MTSS1: variants seen among roughly 807,000 people sequenced by gnomAD.
MTSS1 encodes the protein protein MTSS 1.
A neutral mutation model predicts 79.0 loss-of-function variants in MTSS1; 18 were observed. The ratio of observed to expected loss-of-function variants is 0.23; its 90% CI spans 0.16 to 0.34. The LOEUF is 0.34. MTSS1 is among the 10% of genes least tolerant of loss of function. The pLI is 1.00. For missense variants in MTSS1, 815 were observed against 986.2 expected, an observed-to-expected ratio of 0.83 and a Z score of 2.33; for synonymous variants, 341 against 368.6, an observed-to-expected ratio of 0.93 and a Z score of 0.86.
chr8:124,706,951 C>T (rs546581029), intron 1 of MTSS1, among the ~76,000 whole-genome samples: 6 of 152,310 alleles, frequency 3.9e-5, no homozygotes, highest in Non-Finnish European at 8.8e-5. Context: ...AGGATGGCCA[C>T]TGGAGATCTC....
intron 4 of MTSS1, among the ~76,000 whole-genome samples, chr8:124,590,827 T>C (rs1448829068): frequency 6.6e-6 from 1 of 152,158 alleles, no homozygotes; most frequent in Non-Finnish European, 1.5e-5. Context: ...CAGCCCCTCT[T>C]CTTGCGAGGC....
At chr8:124,663,149 G>A (rs1822400363) in intron 3 of MTSS1, among the ~76,000 whole-genome samples, 1 of 152,158 alleles carries the variant, frequency 6.6e-6, no homozygotes, top group Non-Finnish European at 1.5e-5. Flanking sequence ...TCAGACACCT[G>A]CACACGTGTC....
At chr8:124,611,260 T>C (rs1835766267) in intron 3 of MTSS1, among the ~76,000 whole-genome samples, 1 of 152,138 alleles carries the variant, frequency 6.6e-6, no homozygotes, top group Non-Finnish European at 1.5e-5. Context: ...TAGACCAAGA[T>C]TGGGAGAAAG....
chr8:124,722,090 G>C (rs1394540329), intron 1 of MTSS1, among the ~76,000 whole-genome samples: 1 of 151,936 alleles, frequency 6.6e-6, no homozygotes, highest in African/African-American at 2.4e-5. Context: ...CAAATAAAAA[G>C]ACACACAGTT....
At chr8:124,713,184 A>C (rs1831417649) in intron 1 of MTSS1, among the ~76,000 whole-genome samples, 1 of 152,146 alleles carries the variant, frequency 6.6e-6, no homozygotes, top group Non-Finnish European at 1.5e-5. Flanking sequence ...TGGATACCGT[A>C]CTGGACAGCA....
chr8:124,684,412 AAAG>A (rs1184352950), intron 3 of MTSS1, among the ~76,000 whole-genome samples: 1 of 152,234 alleles, frequency 6.6e-6, no homozygotes, highest in African/African-American at 2.4e-5. Flanking sequence ...GAGCAACAGA[AAAG>A]AACAAGATTT....
intron 3 of MTSS1, among the ~76,000 whole-genome samples, chr8:124,666,749 G>A (rs1419381741): frequency 2.0e-5 from 3 of 152,264 alleles, no homozygotes; most frequent in Non-Finnish European, 2.9e-5. Flanking sequence ...AGCGCAGAGT[G>A]AGCCCAGCTG....
At chr8:124,672,017 T>A (rs1373308310) in intron 3 of MTSS1, among the ~76,000 whole-genome samples, 1 of 152,202 alleles carries the variant, frequency 6.6e-6, no homozygotes, top group Admixed American at 6.5e-5. Context: ...TGTGAAAGTT[T>A]TAAGAAAAAT....
At chr8:124,642,458 T>G (rs1818235405) in intron 3 of MTSS1, among the ~76,000 whole-genome samples, 1 of 152,216 alleles carries the variant, frequency 6.6e-6, no homozygotes, top group Non-Finnish European at 1.5e-5. Flanking sequence ...TCACCCACCT[T>G]AAGTCCAAGG....
At chr8:124,671,167 C>T (rs1436995818) in intron 3 of MTSS1, among the ~76,000 whole-genome samples, 1 of 151,988 alleles carries the variant, frequency 6.6e-6, no homozygotes, top group African/African-American at 2.4e-5. Flanking sequence ...ACAGGCTAGG[C>T]TCCCTCAAAT....
chr8:124,558,458 G>A (rs533839901), intron 10 of MTSS1, among the ~76,000 whole-genome samples: 1 of 152,154 alleles, frequency 6.6e-6, no homozygotes, highest in Non-Finnish European at 1.5e-5. Flanking sequence ...CCTGGTCTGG[G>A]AGAAAGCCTT....
chr8:124,564,691 T>TCATACACACACACACACACACACACA (rs1826006561), intron 9 of MTSS1: 1 of 144,306 alleles, frequency 6.9e-6, no homozygotes, highest in Admixed American at 6.9e-5. Context: ...TCTCTTTCAC[T>TCATACACACACACACACACACACACA]CACACACACA....
At chr8:124,656,781 CAAAAAA>C (rs59332225) in intron 3 of MTSS1, among the ~76,000 whole-genome samples, 2 of 51,664 alleles carry the variant, frequency 3.9e-5, no homozygotes, top group African/African-American at 5.7e-5. Flanking sequence ...GACTCCATCT[CAAAAAA>C]AAAAAAAAAA....
chr8:124,718,585 A>T (rs1215056625), intron 1 of MTSS1, among the ~76,000 whole-genome samples: 1 of 152,008 alleles, frequency 6.6e-6, no homozygotes, highest in East Asian at 1.9e-4. Context: ...ATTAAACCAA[A>T]CTCAAAGACT....
At chr8:124,615,015 T>A (rs1020678463) in intron 3 of MTSS1, among the ~76,000 whole-genome samples, 9 of 152,100 alleles carry the variant, frequency 5.9e-5, no homozygotes, top group African/African-American at 2.2e-4. Context: ...AGACAGTGTA[T>A]GTTGGAGGTT....
intron 13 of MTSS1, 44 bp downstream of exon 13, chr8:124,555,698 T>C (rs1001523466): frequency 6.5e-7 from 1 of 1,532,176 alleles, no homozygotes; most frequent in African/African-American, 1.4e-5. Flanking sequence ...CCTCACCTGG[T>C]GCTGCTCAGA....
At chr8:124,628,116 G>C (rs181647163) in intron 3 of MTSS1, among the ~76,000 whole-genome samples, 159 of 152,300 alleles carry the variant, frequency 1.0e-3, no homozygotes, top group Non-Finnish European at 2.0e-3. Flanking sequence ...GCAGTGAGCT[G>C]AGATCGTGCC....
At chr8:124,607,618 C>T (rs542570694) in intron 3 of MTSS1, among the ~76,000 whole-genome samples, 2 of 152,200 alleles carry the variant, frequency 1.3e-5, no homozygotes, top group Non-Finnish European at 2.9e-5. Flanking sequence ...TGAGTCCCTA[C>T]AAGCTAGACA....
chr8:124,552,028 T>C lies in MTSS1; in HGVS notation c.*964A>G, dbSNP rs1236413560. ...GTTAAGTAAAAGGCATTTACTATAA[T>C]CTAAGAATTCCCTGCTATTATCATT... On this transcript the variant is annotated 3_prime_UTR_variant, in exon 14 of 14. Transcript: ENST00000518547. 6.5e-6 allele frequency: 1 copy of C among 152,682 alleles called. No homozygotes were observed. The highest frequency in any genetic ancestry group is 1.5e-5 in the Non-Finnish European group (1 of 68,050). 9.5% of individuals were successfully genotyped at this position (152,682 alleles called of 1,614,324 possible). A position where few individuals can be genotyped will look rare whatever the true frequency, so the allele number is the denominator to read the frequency against.
Sources: gnomAD v4.1 joint callset for allele counts (sites outside exome capture counted in the v4.1 genomes callset) on GRCh38, gnomAD v4.1.1 for gene constraint, MANE v1.5 for transcripts, NCBI Gene and HGNC (gene_info 2026-07-23, HGNC 2026-07-21) for gene names.